ANO4: variants seen among roughly 807,000 people sequenced by gnomAD.
The protein encoded by ANO4 is anoctamin 4.
In ANO4, 69 loss-of-function variants were observed where a neutral mutation model predicts 141.9. The observed-to-expected ratio is 0.49, with a 90% CI of 0.40 to 0.59. The LOEUF (loss-of-function observed/expected upper bound fraction) is 0.59. ANO4 is among the 20% of genes least tolerant of loss of function. The pLI is 0.00. For synonymous variants in ANO4, 350 were observed against 394.3 expected (o/e 0.89, Z 1.33); for missense variants, 894 against 1,162.2 (o/e 0.77, Z 3.36).
At chr12:100,950,228 GA>G (rs904060563) in intron 5 of ANO4, among the ~76,000 whole-genome samples, 1 of 150,130 alleles carries the variant, frequency 6.7e-6, no homozygotes, top group South Asian at 2.1e-4. Flanking sequence ...GGTCAGAAAA[GA>G]AAAAAAAAGA....
intron 6 of ANO4, among the ~76,000 whole-genome samples, chr12:100,972,590 A>C (rs531524528): frequency 1.3e-5 from 2 of 152,226 alleles, no homozygotes; most frequent in Non-Finnish European, 2.9e-5. Flanking sequence ...ATACATATAT[A>C]TATCCACTAG....
intron 1 of ANO4, among the ~76,000 whole-genome samples, chr12:100,810,897 C>A (rs1380778680): frequency 1.3e-5 from 2 of 152,022 alleles, no homozygotes; most frequent in African/African-American, 4.8e-5. Flanking sequence ...TACTTATGAG[C>A]CACACTGGAT....
intron 2 of ANO4, 138 bp downstream of exon 2, chr12:100,901,978 C>A: frequency 3.8e-6 from 3 of 796,210 alleles, no homozygotes; most frequent in South Asian, 1.9e-5. Context: ...ATTTCCCCTT[C>A]TGCTCACCTC....
In ANO4 at chr12:100,740,224, C is replaced by G. The variant is rs1036040519; in HGVS notation, c.358+119C>G. ...GCTTGTGTGATATGATGGACCCCAACAATACCTCTATGTTCATACTGGCTT... is the reference window on the plus strand; with the variant it reads ...GCTTGTGTGATATGATGGACCCCAAGAATACCTCTATGTTCATACTGGCTT... On this transcript the variant is annotated intron_variant, in intron 3 of 29. Transcript: ENST00000644049. 40 of 643,122 alleles carry G rather than the reference C, an allele frequency of 6.2e-5. No individual in the cohort carries two copies. The African/African-American group carries it at 6.2e-4, about 10-fold the overall frequency. The allele number at this position is 643,122 out of a possible 1,614,324, so 39.8% of individuals were successfully genotyped here. A position where few individuals can be genotyped will look rare whatever the true frequency, so the allele number is the denominator to read the frequency against.
intron 3 of ANO4, among the ~76,000 whole-genome samples, chr12:100,777,761 C>A (rs2033574352): frequency 6.6e-6 from 1 of 151,960 alleles, no homozygotes; most frequent in African/African-American, 2.4e-5. Context: ...TATTTTACAA[C>A]CTTTTACTCA....
chr12:100,727,118 A>C (rs189176440), intron 1 of ANO4, among the ~76,000 whole-genome samples: 70 of 152,314 alleles, frequency 4.6e-4, no homozygotes, highest in Non-Finnish European at 8.2e-4. Flanking sequence ...ATACTTCACC[A>C]TGGGCTTAAG....
chr12:101,109,296 C>T (rs2050569147), intron 22 of ANO4, among the ~76,000 whole-genome samples: 1 of 152,180 alleles, frequency 6.6e-6, no homozygotes, highest in Non-Finnish European at 1.5e-5. Context: ...GGCACGGTGA[C>T]TCACACTTGT....
chr12:100,756,807 C>T (rs2032633746), intron 3 of ANO4, among the ~76,000 whole-genome samples: 1 of 152,124 alleles, frequency 6.6e-6, no homozygotes, highest in Non-Finnish European at 1.5e-5. Flanking sequence ...ACTTAAATGT[C>T]AGTGCGTCTC....
intron 1 of ANO4, among the ~76,000 whole-genome samples, chr12:100,871,638 C>G (rs1326343448): frequency 6.6e-6 from 1 of 152,190 alleles, no homozygotes; most frequent in East Asian, 1.9e-4. Flanking sequence ...AAATTTATCT[C>G]TTGCAGTTTT....
chr12:100,975,743 G>A (rs1440992385), intron 7 of ANO4, among the ~76,000 whole-genome samples: 1 of 151,826 alleles, frequency 6.6e-6, no homozygotes, highest in Non-Finnish European at 1.5e-5. Context: ...CCTGGCCAAT[G>A]TTATTTTTTT....
intron 1 of ANO4, among the ~76,000 whole-genome samples, chr12:100,826,479 T>TTC (rs1278354547): frequency 6.6e-6 from 1 of 152,028 alleles, no homozygotes; most frequent in African/African-American, 2.4e-5. Context: ...TTCTAGCACC[T>TTC]TCTGTGTTTT....
chr12:100,725,763 G>C, intron 1 of ANO4, among the ~76,000 whole-genome samples: 1 of 152,146 alleles, frequency 6.6e-6, no homozygotes. Context: ...CCCCAAATCA[G>C]AGTGAAACGG....
At position 101,096,622 on chromosome 12, in the gene ANO4, T is replaced by A; in HGVS notation, c.1825T>A (p.Phe609Ile). The part of the protein sequence containing the change: ...FQFVNLNSST[F>I]YIAFFLGRFT... ...GTTTGTCAATCTGAACAGCTCCACA[T>A]TTTACATCGCATTCTTCCTCGGAAG... The change falls in exon 19 of 28, where the codon TTT (phenylalanine) becomes ATT (isoleucine). Residue 609 changes from phenylalanine (F) to isoleucine (I), a missense_variant. This residue lies in a region of ANO4 where 637 missense variants were observed against 909.2 expected (regional missense o/e 0.70). Coordinates refer to ENST00000392977, the MANE Select transcript of ANO4 (RefSeq NM_001286615.2). 6.2e-7 allele frequency: 1 copy of A among 1,613,344 alleles called. No individual in the cohort carries two copies. The highest frequency in any genetic ancestry group is 8.5e-7 in the Non-Finnish European group (1 of 1,179,452).
At chr12:100,906,725 AG>A (rs1178134251) in intron 2 of ANO4, among the ~76,000 whole-genome samples, 2 of 152,182 alleles carry the variant, frequency 1.3e-5, no homozygotes, top group Non-Finnish European at 2.9e-5. Flanking sequence ...ACAAAGATAA[AG>A]GGTAGAAGAT....
intron 3 of ANO4, among the ~76,000 whole-genome samples, chr12:100,782,948 T>G (rs2044871591): frequency 1.3e-5 from 2 of 152,328 alleles, no homozygotes; most frequent in South Asian, 4.1e-4. Context: ...GGATGCTTCA[T>G]TAATCCAAAA....
At chr12:100,857,129 C>T (rs1811685494) in intron 1 of ANO4, among the ~76,000 whole-genome samples, 1 of 152,072 alleles carries the variant, frequency 6.6e-6, no homozygotes, top group African/African-American at 2.4e-5. Flanking sequence ...TCCTGAAATG[C>T]CTGAGAGAAC....
At chr12:100,857,884 AAAGAT>A (rs1433778071) in intron 1 of ANO4, among the ~76,000 whole-genome samples, 2 of 152,178 alleles carry the variant, frequency 1.3e-5, no homozygotes, top group Non-Finnish European at 2.9e-5. Flanking sequence ...CCAAACCACC[AAAGAT>A]AATATTTGAA....
chr12:100,906,194 A>G (rs1287497990), intron 2 of ANO4, among the ~76,000 whole-genome samples: 1 of 152,132 alleles, frequency 6.6e-6, no homozygotes, highest in African/African-American at 2.4e-5. Flanking sequence ...TGGTTTTGCA[A>G]AGGAAGTAGG....
At chr12:100,935,771 T>A (rs2042262363) in intron 3 of ANO4, among the ~76,000 whole-genome samples, 1 of 152,212 alleles carries the variant, frequency 6.6e-6, no homozygotes, top group Non-Finnish European at 1.5e-5. Flanking sequence ...TACTTATTGA[T>A]TAAAATTTAT....
Sources: allele counts gnomAD v4.1 joint callset (sites outside exome capture counted in the v4.1 genomes callset), GRCh38; gene constraint gnomAD v4.1.1; regional missense constraint gnomAD v4.1.1; transcripts MANE v1.5; gene names NCBI Gene and HGNC (gene_info 2026-07-23, HGNC 2026-07-21).